The following PXDNL variants were observed in gnomAD, a reference collection of about 807,000 sequenced individuals.
PXDNL encodes the protein peroxidasin like.
Under a neutral mutation model 150.8 loss-of-function variants are expected in PXDNL, and 145 were observed. That is an observed-to-expected ratio of 0.96 (90% CI 0.84 to 1.10). PXDNL has a LOEUF of 1.10. PXDNL is among the 50% of genes least tolerant of loss of function. The pLI, the probability that PXDNL is intolerant of heterozygous loss-of-function variation, is 0.00. For synonymous variants in PXDNL, 757 were observed against 725.7 expected (o/e 1.04, Z -0.69); for missense variants, 2,087 against 1,873.9 (o/e 1.11, Z -2.10).
intron 17 of PXDNL, among the ~76,000 whole-genome samples, chr8:51,396,073 A>G (rs991745718): frequency 1.3e-5 from 2 of 152,206 alleles, no homozygotes; most frequent in Admixed American, 6.5e-5. Flanking sequence ...GCTGAGAAAT[A>G]AATCGGTTCT....
chr8:51,764,115 C>A (rs761761036), intron 1 of PXDNL, among the ~76,000 whole-genome samples: 4 of 152,094 alleles, frequency 2.6e-5, no homozygotes, highest in African/African-American at 9.7e-5. Flanking sequence ...GCCTTATAAT[C>A]CCTTTTATTT....
intron 2 of PXDNL, among the ~76,000 whole-genome samples, chr8:51,612,964 T>C (rs922029336): frequency 6.6e-6 from 1 of 152,212 alleles, no homozygotes; most frequent in Non-Finnish European, 1.5e-5. Flanking sequence ...CCAATCTGTA[T>C]GTCATCTGTT....
At chr8:51,790,661 C>G (rs1394342948) in intron 1 of PXDNL, among the ~76,000 whole-genome samples, 2 of 151,964 alleles carry the variant, frequency 1.3e-5, no homozygotes, top group African/African-American at 4.8e-5. Context: ...ACTGTCCTCC[C>G]TGATGGGCGA....
At chr8:51,570,045 T>G (rs1435386182) in intron 3 of PXDNL, among the ~76,000 whole-genome samples, 1 of 151,938 alleles carries the variant, frequency 6.6e-6, no homozygotes, top group Non-Finnish European at 1.5e-5. Context: ...GTTACAGTGT[T>G]TACACCCAGC....
chr8:51,388,713 A>AATC (rs765674668), intron 17 of PXDNL, among the ~76,000 whole-genome samples: 4 of 152,080 alleles, frequency 2.6e-5, no homozygotes, highest in Admixed American at 1.3e-4. Flanking sequence ...TGATGTTTTC[A>AATC]ATCTTTTCTC....
At chr8:51,361,937 C>CAAAAAAAAA (rs57092440) in intron 19 of PXDNL, among the ~76,000 whole-genome samples, 280 of 58,086 alleles carry the variant, frequency 4.8e-3, no homozygotes, top group East Asian at 8.6e-3. Flanking sequence ...GATTCCATCT[C>CAAAAAAAAA]AAAAAAAAAA....
At chr8:51,427,315 A>G (rs1016686257) in intron 12 of PXDNL, among the ~76,000 whole-genome samples, 7 of 152,162 alleles carry the variant, frequency 4.6e-5, no homozygotes, top group African/African-American at 1.7e-4. Context: ...AATTTGACCC[A>G]GTGTTTAAAA....
intron 5 of PXDNL, among the ~76,000 whole-genome samples, chr8:51,496,862 A>G (rs1163157905): frequency 6.6e-6 from 1 of 152,222 alleles, no homozygotes; most frequent in Non-Finnish European, 1.5e-5. Flanking sequence ...CAACTGCCCA[A>G]GGTAATTTAT....
chr8:51,808,129 C>T (rs1299994627), intron 1 of PXDNL, among the ~76,000 whole-genome samples: 1 of 152,162 alleles, frequency 6.6e-6, no homozygotes, highest in Non-Finnish European at 1.5e-5. Context: ...CCTCATTTCA[C>T]GATTATGACT....
At chr8:51,582,010 A>G (rs1270393907) in intron 3 of PXDNL, among the ~76,000 whole-genome samples, 1 of 151,160 alleles carries the variant, frequency 6.6e-6, no homozygotes, top group African/African-American at 2.5e-5. Context: ...GCAGGCTACA[A>G]AATGATATAA....
intron 2 of PXDNL, among the ~76,000 whole-genome samples, chr8:51,654,024 C>T (rs1338370801): frequency 1.3e-5 from 2 of 152,188 alleles, no homozygotes; most frequent in Non-Finnish European, 2.9e-5. Context: ...TGGGTGTTGG[C>T]TACCTGACTG....
At chr8:51,443,461 T>G (rs1809601884) in intron 12 of PXDNL, among the ~76,000 whole-genome samples, 1 of 152,184 alleles carries the variant, frequency 6.6e-6, no homozygotes, top group South Asian at 2.1e-4. Flanking sequence ...CCAATCATTT[T>G]GGCCTCAGGA....
At chr8:51,756,709 AT>A (rs2037105890) in intron 1 of PXDNL, among the ~76,000 whole-genome samples, 1 of 152,058 alleles carries the variant, frequency 6.6e-6, no homozygotes, top group African/African-American at 2.4e-5. Context: ...TTTAAAAATT[AT>A]TTTATTGTAA....
chr8:51,744,750 AAGAG>A (rs1585717569), intron 1 of PXDNL, among the ~76,000 whole-genome samples: 5 of 21,154 alleles, frequency 2.4e-4, no homozygotes, highest in Non-Finnish European at 7.9e-4. Context: ...GAGAAAAGAA[AAGAG>A]AGAGAAAGAA....
At chr8:51,628,330 C>CTTCTTTCT (rs139162253) in intron 2 of PXDNL, among the ~76,000 whole-genome samples, 51 of 146,848 alleles carry the variant, frequency 3.5e-4, no homozygotes, top group South Asian at 8.5e-4. Context: ...CTTCTCTCTT[C>CTTCTTTCT]TTCTTTATTT....
intron 3 of PXDNL, among the ~76,000 whole-genome samples, chr8:51,559,984 A>G (rs1812687445): frequency 6.6e-6 from 1 of 152,192 alleles, no homozygotes; most frequent in East Asian, 1.9e-4. Flanking sequence ...TTTGATAGAA[A>G]TACAAAACCT....
chr8:51,535,771 TTC>T (rs1339968988), intron 4 of PXDNL, among the ~76,000 whole-genome samples: 1 of 152,124 alleles, frequency 6.6e-6, no homozygotes, highest in Non-Finnish European at 1.5e-5. Context: ...TGGTATGGAC[TTC>T]TCTTTTCTTC....
At chr8:51,454,207 G>C (rs983491479) in intron 9 of PXDNL, among the ~76,000 whole-genome samples, 1 of 152,124 alleles carries the variant, frequency 6.6e-6, no homozygotes, top group Non-Finnish European at 1.5e-5. Flanking sequence ...CCTGGAATTC[G>C]GGCAGGAATG....
Position 51,468,518 on chromosome 8 carries a change from C to T in PXDNL, c.812+3669G>A, listed in dbSNP as rs577903419. On this transcript the variant is annotated intron_variant, in intron 8 of 22. Transcript: ENST00000356297. ...TTTCAGATACACCTCTTATAAATAG[C>T]ATATAGCTGGATTTTAAAATTCAAT... Among the ~76,000 whole-genome samples the T allele has an allele frequency of 3.3e-5, 5 of 151,974 alleles. No homozygotes were observed. In the South Asian group the frequency reaches 8.3e-4, roughly 25 times the overall value.
Sources: gnomAD v4.1 joint callset for allele counts (sites outside exome capture counted in the v4.1 genomes callset) on GRCh38, gnomAD v4.1.1 for gene constraint, MANE v1.5 for transcripts, NCBI Gene and HGNC (gene_info 2026-07-23, HGNC 2026-07-21) for gene names.